SPOCK1: variants seen among roughly 807,000 people sequenced by gnomAD.
SPOCK1 encodes testican-1.
Under a neutral mutation model 55.3 loss-of-function variants are expected in SPOCK1, and 23 were observed. The ratio of observed to expected loss-of-function variants is 0.42; its 90% CI spans 0.30 to 0.59. The LOEUF is 0.59. SPOCK1 is among the 20% of genes least tolerant of loss of function. The probability of loss-of-function intolerance (pLI) is 0.22; values close to 1 mark genes in which losing one functional copy is unlikely to be tolerated. For synonymous variants in SPOCK1, 226 were observed against 221.0 expected (o/e 1.02, Z -0.20); for missense variants, 499 against 552.5 (o/e 0.90, Z 0.97).
intron 2 of SPOCK1, among the ~76,000 whole-genome samples, chr5:137,468,127 CAA>C (rs1391071510): frequency 3.9e-5 from 6 of 152,160 alleles, no homozygotes; most frequent in African/African-American, 1.2e-4. Context: ...TGCTGCTAAC[CAA>C]AAGACACTCA....
At chr5:137,173,857 A>G (rs1466755615) in intron 3 of SPOCK1, among the ~76,000 whole-genome samples, 1 of 152,204 alleles carries the variant, frequency 6.6e-6, no homozygotes, top group Non-Finnish European at 1.5e-5. Context: ...GGCACCATCC[A>G]TGCCTTAAAC....
chr5:137,046,396 T>C (rs1267652054), intron 6 of SPOCK1, among the ~76,000 whole-genome samples: 6 of 151,762 alleles, frequency 4.0e-5, no homozygotes, highest in Non-Finnish European at 8.8e-5. Context: ...TATTTTATTC[T>C]CTTTGAAGCA....
intron 6 of SPOCK1, among the ~76,000 whole-genome samples, chr5:137,043,602 A>C (rs1019902958): frequency 6.6e-6 from 1 of 152,228 alleles, no homozygotes; most frequent in African/African-American, 2.4e-5. Flanking sequence ...ATGACTTCAT[A>C]GGATGACAAT....
rs78575351 is a variant in SPOCK1, at chr5:137,015,974, C to G, written c.590-23374G>C. Among the ~76,000 whole-genome samples, 3 of 152,308 alleles carry G rather than the reference C, an allele frequency of 2.0e-5. No individual in the cohort carries two copies. The East Asian group carries it at 5.8e-4, about 29-fold the overall frequency. On this transcript the variant is annotated intron_variant, in intron 6 of 10. Transcript: ENST00000394945. Reference sequence around the variant, plus strand: ...GTGTGGAGGAAAGGAGGAGAGAAATCATTCCATATTGTGGTTCCAAGATTT... The same window carrying G: ...GTGTGGAGGAAAGGAGGAGAGAAATGATTCCATATTGTGGTTCCAAGATTT...
intron 3 of SPOCK1, among the ~76,000 whole-genome samples, chr5:137,233,917 C>A (rs1756123838): frequency 6.6e-6 from 1 of 152,058 alleles, no homozygotes; most frequent in African/African-American, 2.4e-5. Context: ...GCAGTGACCA[C>A]AATTTCCAGT....
intron 2 of SPOCK1, among the ~76,000 whole-genome samples, chr5:137,496,035 A>G (rs1167104299): frequency 1.3e-5 from 2 of 152,208 alleles, no homozygotes; most frequent in African/African-American, 4.8e-5. Context: ...CTCCAAAAAC[A>G]AAAACAAAAA....
chr5:137,027,842 A>G (rs1032431184), intron 6 of SPOCK1, among the ~76,000 whole-genome samples: 1 of 152,178 alleles, frequency 6.6e-6, no homozygotes, highest in Non-Finnish European at 1.5e-5. Flanking sequence ...AAATCTCAGT[A>G]GAGACCTTGT....
intron 2 of SPOCK1, among the ~76,000 whole-genome samples, chr5:137,451,390 A>T (rs1298908315): frequency 6.6e-6 from 1 of 152,212 alleles, no homozygotes; most frequent in African/African-American, 2.4e-5. Flanking sequence ...GGATGAACTC[A>T]ATGCAATCAC....
At chr5:137,406,377 T>C (rs773378283) in intron 2 of SPOCK1, among the ~76,000 whole-genome samples, 8 of 152,226 alleles carry the variant, frequency 5.3e-5, no homozygotes, top group Non-Finnish European at 8.8e-5. Context: ...CAGGAGTAGA[T>C]GCATGCCCAC....
intron 2 of SPOCK1, among the ~76,000 whole-genome samples, chr5:137,368,646 C>G (rs980925763): frequency 6.6e-6 from 1 of 152,138 alleles, no homozygotes; most frequent in African/African-American, 2.4e-5. Flanking sequence ...AGGTTTAGAA[C>G]CCCTGTCATT....
chr5:137,160,495 G>A (rs1356144686), intron 3 of SPOCK1, among the ~76,000 whole-genome samples: 1 of 82,542 alleles, frequency 1.2e-5, no homozygotes, highest in African/African-American at 4.8e-5. Context: ...CCAACACCTG[G>A]GCTATATATA....
intron 6 of SPOCK1, among the ~76,000 whole-genome samples, chr5:137,060,976 A>AT (rs1337874635): frequency 6.6e-6 from 1 of 152,194 alleles, no homozygotes; most frequent in East Asian, 1.9e-4. Flanking sequence ...ATTCTCAAGC[A>AT]TTTTTTTAAG....
At chr5:137,081,004 G>C (rs1004226873) in intron 5 of SPOCK1, among the ~76,000 whole-genome samples, 6 of 152,210 alleles carry the variant, frequency 3.9e-5, no homozygotes, top group Non-Finnish European at 7.3e-5. Flanking sequence ...GGCTTCATAA[G>C]TACTTTATCA....
intron 3 of SPOCK1, among the ~76,000 whole-genome samples, chr5:137,205,898 T>C (rs1755513016): frequency 6.6e-6 from 1 of 152,140 alleles, no homozygotes; most frequent in Admixed American, 6.5e-5. Flanking sequence ...CAAAGCCCTA[T>C]GAGAAAGACC....
In SPOCK1 at chr5:137,251,333, C is replaced by T. The variant is rs1756525200; in HGVS notation, c.232+15677G>A. ...TCTTGTTGTGTTGCCTGTTTGTTTT[C>T]AGGAAAGCAATCATACTTGTCTTCC... On this transcript the variant is annotated intron_variant, in intron 3 of 10. Transcript: ENST00000394945. 2.0e-5 allele frequency among the ~76,000 whole-genome samples: 3 copies of T among 152,202 alleles called. No individual in the cohort carries two copies. The South Asian group carries it at 6.2e-4, about 31-fold the overall frequency.
At chr5:137,127,988 G>A (rs1039840005) in intron 4 of SPOCK1, among the ~76,000 whole-genome samples, 2 of 152,216 alleles carry the variant, frequency 1.3e-5, no homozygotes, top group Non-Finnish European at 2.9e-5. Flanking sequence ...TATGGACAAT[G>A]TTTGTGTCTC....
At chr5:137,283,734 C>CAAA (rs367776461) in intron 2 of SPOCK1, among the ~76,000 whole-genome samples, 1 of 138,908 alleles carries the variant, frequency 7.2e-6, no homozygotes, top group African/African-American at 2.6e-5. Context: ...ATGAAACAAA[C>CAAA]AAAAAAAAAA....
At chr5:137,009,167 A>G (rs542522137) in intron 6 of SPOCK1, among the ~76,000 whole-genome samples, 2 of 152,304 alleles carry the variant, frequency 1.3e-5, no homozygotes, top group African/African-American at 4.8e-5. Context: ...AAATATAACA[A>G]TGGCAAAGTG....
chr5:137,356,830 T>TAGAGAGAG (rs1374423446), intron 2 of SPOCK1, among the ~76,000 whole-genome samples: 18 of 12,000 alleles, frequency 1.5e-3, no homozygotes, highest in African/African-American at 2.1e-3. Flanking sequence ...TATATATATA[T>TAGAGAGAG]ATATATATAG....
Sources: allele counts gnomAD v4.1 joint callset (sites outside exome capture counted in the v4.1 genomes callset), GRCh38; gene constraint gnomAD v4.1.1; transcripts MANE v1.5; gene names NCBI Gene and HGNC (gene_info 2026-07-23, HGNC 2026-07-21).